Variants in ROBO2 observed in about 807,000 individuals in gnomAD.
ROBO2 encodes the protein roundabout guidance receptor 2.
In ROBO2, 53 loss-of-function variants were observed where a neutral mutation model predicts 160.8. That is an observed-to-expected ratio of 0.33 (90% CI 0.26 to 0.41). ROBO2 has a LOEUF of 0.41. ROBO2 is among the 10% of genes least tolerant of loss of function. The pLI is 1.00. For missense variants in ROBO2, 1,577 were observed against 1,722.4 expected (o/e 0.92, Z 1.49); for synonymous variants, 664 against 611.7 (o/e 1.09, Z -1.26).
At chr3:76,903,118 A>G (rs907702523) in intron 2 of ROBO2, among the ~76,000 whole-genome samples, 1 of 152,060 alleles carries the variant, frequency 6.6e-6, no homozygotes, top group African/African-American at 2.4e-5. Flanking sequence ...GATTAATATA[A>G]TACCTTATGT....
intron 2 of ROBO2, among the ~76,000 whole-genome samples, chr3:77,365,477 T>C (rs1026509249): frequency 6.6e-6 from 1 of 152,178 alleles, no homozygotes; most frequent in Admixed American, 6.5e-5. Context: ...AAGTAACATT[T>C]ACACCAGTCT....
chr3:76,086,019 A>G (rs1402991517), intron 2 of ROBO2, among the ~76,000 whole-genome samples: 2 of 152,170 alleles, frequency 1.3e-5, no homozygotes. Flanking sequence ...CGTTTGGGGT[A>G]TTGTCAAAGC....
At chr3:76,776,750 C>T (rs1372033787) in intron 2 of ROBO2, among the ~76,000 whole-genome samples, 1 of 150,928 alleles carries the variant, frequency 6.6e-6, no homozygotes, top group African/African-American at 2.4e-5. Context: ...ATACACATCT[C>T]AAAGAGGCTA....
chr3:77,042,330 C>A (rs1559887837), intron 1 of ROBO2, among the ~76,000 whole-genome samples: 2 of 152,028 alleles, frequency 1.3e-5, no homozygotes, highest in African/African-American at 4.8e-5. Context: ...AATAGGTTTA[C>A]CTATTTGTCC....
At chr3:76,333,305 T>C (rs1220432801) in intron 2 of ROBO2, among the ~76,000 whole-genome samples, 1 of 152,164 alleles carries the variant, frequency 6.6e-6, no homozygotes, top group Non-Finnish European at 1.5e-5. Flanking sequence ...CAGTACATAT[T>C]AGCTGTGCAG....
At chr3:76,944,342 T>G (rs1398295689) in intron 2 of ROBO2, among the ~76,000 whole-genome samples, 3 of 152,162 alleles carry the variant, frequency 2.0e-5, no homozygotes, top group African/African-American at 7.2e-5. Flanking sequence ...AGGAGAAATA[T>G]TTGGTATTTC....
At chr3:76,699,366 G>A (rs1029351533) in intron 2 of ROBO2, among the ~76,000 whole-genome samples, 7 of 152,098 alleles carry the variant, frequency 4.6e-5, no homozygotes, top group African/African-American at 1.4e-4. Context: ...TTTAGGGGAA[G>A]GGAATTTTCC....
chr3:76,496,938 A>G (rs73117882), intron 2 of ROBO2, among the ~76,000 whole-genome samples: 13,821 of 152,158 alleles, frequency 0.091, 750 homozygotes, highest in Middle Eastern at 0.13. Context: ...AATAGTCACA[A>G]TGAACCTTTT....
intron 2 of ROBO2, among the ~76,000 whole-genome samples, chr3:77,401,260 A>G (rs2075769434): frequency 1.2e-5 from 1 of 80,952 alleles, no homozygotes; most frequent in East Asian, 3.9e-4. Context: ...AGTTGTTTGT[A>G]TTTAAAAAAA....
At chr3:76,428,183 C>T (rs1197854169) in intron 2 of ROBO2, among the ~76,000 whole-genome samples, 5 of 152,084 alleles carry the variant, frequency 3.3e-5, no homozygotes, top group Non-Finnish European at 5.9e-5. Flanking sequence ...GTTCCATCTG[C>T]CCACATACCT....
intron 2 of ROBO2, among the ~76,000 whole-genome samples, chr3:76,643,831 G>T (rs1236374529): frequency 6.6e-6 from 1 of 151,738 alleles, no homozygotes; most frequent in Non-Finnish European, 1.5e-5. Flanking sequence ...ATTCAAACTT[G>T]TCCTGACTGG....
chr3:77,108,737 A>G (rs943218859), intron 2 of ROBO2, among the ~76,000 whole-genome samples: 4 of 152,196 alleles, frequency 2.6e-5, no homozygotes, highest in African/African-American at 9.6e-5. Context: ...GGAAAGAAGT[A>G]TAAAAGCAAA....
At chr3:76,299,485 T>C (rs1166763208) in intron 2 of ROBO2, among the ~76,000 whole-genome samples, 2 of 152,168 alleles carry the variant, frequency 1.3e-5, no homozygotes, top group Admixed American at 6.5e-5. Context: ...CAGGAAAAGA[T>C]ACATTGGATG....
At chr3:76,355,701 G>A (rs1235562177) in intron 2 of ROBO2, among the ~76,000 whole-genome samples, 2 of 151,748 alleles carry the variant, frequency 1.3e-5, no homozygotes, top group East Asian at 3.9e-4. Context: ...ATAGATGACA[G>A]ATACATCCAT....
chr3:77,006,516 G>T (rs756045550), intron 2 of ROBO2, among the ~76,000 whole-genome samples: 3 of 151,896 alleles, frequency 2.0e-5, no homozygotes, highest in Non-Finnish European at 2.9e-5. Flanking sequence ...ACAGGAAGAA[G>T]GTCATGGAGT....
intron 2 of ROBO2, among the ~76,000 whole-genome samples, chr3:76,802,794 G>C (rs1328406192): frequency 1.3e-5 from 2 of 151,760 alleles, no homozygotes; most frequent in Non-Finnish European, 2.9e-5. Flanking sequence ...ATTGAGTTTG[G>C]TGTAAGACAA....
In ROBO2 at chr3:76,966,111, G is replaced by A. The variant is rs536645477; in HGVS notation, c.110-131903G>A. Among the ~76,000 whole-genome samples, 4 of 151,486 alleles carry A rather than the reference G, an allele frequency of 2.6e-5. No homozygotes were observed. The East Asian group carries it at 5.9e-4, about 22-fold the overall frequency. On this transcript the variant is annotated intron_variant, in intron 2 of 26. Transcript: ENST00000487694. ...CTAGTTTTGTATTTTTAGTAGAGACGGGGTTTCTCCATGTTGGTCAGGCTG... is the reference window on the plus strand; with the variant it reads ...CTAGTTTTGTATTTTTAGTAGAGACAGGGTTTCTCCATGTTGGTCAGGCTG...
chr3:76,084,715 G>C (rs62268886), intron 2 of ROBO2, among the ~76,000 whole-genome samples: 2 of 151,880 alleles, frequency 1.3e-5, no homozygotes, highest in East Asian at 3.9e-4. Context: ...TTAAATTATG[G>C]TGTTTACATT....
chr3:77,501,517 A>G (rs2087604222), intron 5 of ROBO2, among the ~76,000 whole-genome samples: 1 of 152,220 alleles, frequency 6.6e-6, no homozygotes, highest in Admixed American at 6.5e-5. Context: ...CAATGTTCTT[A>G]TCCCAGCTCT....
Sources: allele counts gnomAD v4.1 joint callset (sites outside exome capture counted in the v4.1 genomes callset), GRCh38; gene constraint gnomAD v4.1.1; transcripts MANE v1.5; gene names NCBI Gene and HGNC (gene_info 2026-07-23, HGNC 2026-07-21).